The following DCAF6 variants were observed in gnomAD, a reference collection of about 807,000 sequenced individuals.
DCAF6 encodes DDB1- and CUL4-associated factor 6.
A neutral mutation model predicts 125.1 loss-of-function variants in DCAF6; 54 were observed. The observed-to-expected ratio is 0.43, with a 90% CI of 0.35 to 0.54. The LOEUF (loss-of-function observed/expected upper bound fraction) is 0.54, where lower values mean the gene tolerates loss of function less well. Among genes scored for constraint, DCAF6 ranks in the 20% least tolerant of loss-of-function variants. The pLI, the probability that DCAF6 is intolerant of heterozygous loss-of-function variation, is 0.01. For missense variants in DCAF6, 934 were observed against 1,161.7 expected, an observed-to-expected ratio of 0.80 and a Z score of 2.85; for synonymous variants, 371 against 390.4, an observed-to-expected ratio of 0.95 and a Z score of 0.58.
intron 7 of DCAF6, among the ~76,000 whole-genome samples, chr1:167,994,905 G>A (rs181864303): frequency 7.5e-4 from 114 of 152,090 alleles, no homozygotes; most frequent in Admixed American, 1.9e-3. Flanking sequence ...GAATTCCTAC[G>A]AGATACAAAA....
chr1:167,986,796 T>C (rs995541544), intron 4 of DCAF6, among the ~76,000 whole-genome samples: 1 of 152,192 alleles, frequency 6.6e-6, no homozygotes, highest in Non-Finnish European at 1.5e-5. Context: ...ACTGGGTCTT[T>C]GGGACATAGG....
the DCAF6 span, among the ~76,000 whole-genome samples, chr1:167,896,132 C>T: frequency 1.3e-5 from 2 of 151,728 alleles, no homozygotes; most frequent in Admixed American, 6.6e-5. Context: ...AGGGGACTAG[C>T]GTAGAAGCTA....
At chr1:167,875,248 G>C in the DCAF6 span, 1 of 1,522,688 alleles carries the variant, frequency 6.6e-7, no homozygotes, top group Non-Finnish European at 9.1e-7. Context: ...GAGAGCAAGA[G>C]TGATTAGTTC....
intron 10 of DCAF6, among the ~76,000 whole-genome samples, chr1:168,010,261 A>ATT (rs1426271920): frequency 1.3e-5 from 2 of 152,138 alleles, no homozygotes; most frequent in East Asian, 1.9e-4. Context: ...AAATTGTCTC[A>ATT]TTATATATAT....
the DCAF6 span, among the ~76,000 whole-genome samples, chr1:167,890,908 T>A: frequency 1.3e-5 from 2 of 152,182 alleles, no homozygotes; most frequent in Non-Finnish European, 2.9e-5. Flanking sequence ...AAGGACACAA[T>A]AAACTAGAAT....
At chr1:168,065,788 A>C (rs768384349) in intron 19 of DCAF6, 42 bp downstream of exon 19, 1 of 1,557,238 alleles carries the variant, frequency 6.4e-7, no homozygotes, top group Non-Finnish European at 8.8e-7. Context: ...AATTATTTGT[A>C]TGACTCATCA....
chr1:168,066,150 A>G (rs369331069), intron 19 of DCAF6, among the ~76,000 whole-genome samples: 1 of 152,320 alleles, frequency 6.6e-6, no homozygotes, highest in East Asian at 1.9e-4. Context: ...ACAATGAATA[A>G]GTGACTTCAA....
At chr1:167,893,593 GGCT>G in the DCAF6 span, among the ~76,000 whole-genome samples, 1 of 151,054 alleles carries the variant, frequency 6.6e-6, no homozygotes, top group South Asian at 2.1e-4. Context: ...GCATGTGGGA[GGCT>G]GAGGCAGGAG....
chr1:167,883,952 A>G, the DCAF6 span, among the ~76,000 whole-genome samples: 1 of 152,222 alleles, frequency 6.6e-6, no homozygotes, highest in African/African-American at 2.4e-5. Flanking sequence ...TTTTAAAAAA[A>G]TTTAAAATTT....
At chr1:167,954,712 A>G (rs189774003) in intron 2 of DCAF6, among the ~76,000 whole-genome samples, 4 of 152,192 alleles carry the variant, frequency 2.6e-5, no homozygotes, top group Middle Eastern at 3.4e-3. Context: ...TCTGCCTCCC[A>G]AAGTGCTGGG....
chr1:167,981,793 G>A (rs1157358124), intron 4 of DCAF6, among the ~76,000 whole-genome samples: 1 of 152,156 alleles, frequency 6.6e-6, no homozygotes, highest in Non-Finnish European at 1.5e-5. Context: ...GGGCACCTAG[G>A]TTGATTCTGT....
intron 10 of DCAF6, among the ~76,000 whole-genome samples, chr1:168,009,755 T>C (rs1401775203): frequency 1.3e-5 from 2 of 152,100 alleles, no homozygotes; most frequent in Non-Finnish European, 2.9e-5. Flanking sequence ...CTAGGTAAAG[T>C]CCTCTTTCCT....
chr1:167,891,747 A>G, the DCAF6 span, among the ~76,000 whole-genome samples: 1 of 152,018 alleles, frequency 6.6e-6, no homozygotes, highest in Non-Finnish European at 1.5e-5. Context: ...TACATAGCAA[A>G]TCAATGGGGG....
chr1:167,881,973 T>TCAATA, the DCAF6 span, among the ~76,000 whole-genome samples: 6 of 152,222 alleles, frequency 3.9e-5, no homozygotes, highest in African/African-American at 1.4e-4. Flanking sequence ...CCTGGTTGTG[T>TCAATA]CAATATATGT....
chr1:168,024,236 AAAG>A (rs1440077392), intron 12 of DCAF6, among the ~76,000 whole-genome samples: 1 of 151,546 alleles, frequency 6.6e-6, no homozygotes, highest in South Asian at 2.1e-4. Context: ...AAAAAAAAAA[AAAG>A]AACAGAAAAA....
Position 168,040,699 on chromosome 1 carries a change from T to A in DCAF6, c.1727+2211T>A, listed in dbSNP as rs140068460. Among the ~76,000 whole-genome samples the A allele has an allele frequency of 4.5e-3, 678 of 150,980 alleles. 3 individuals carry two copies. Among genetic ancestry groups the A allele is most frequent in the South Asian group, 9.6e-3 (46 of 4,812 alleles). ...CAAGGAGCTGGCATCTTCTGAAGAA[T>A]CTTATCTAAACTTTTTGGGCTTTTT... is the stretch of plus-strand genomic sequence containing the variant. On this transcript the variant is annotated intron_variant, in intron 13 of 21. Transcript: ENST00000367840.
chr1:167,999,812 A>G (rs1217024776), intron 7 of DCAF6, among the ~76,000 whole-genome samples: 2 of 152,146 alleles, frequency 1.3e-5, no homozygotes, highest in Admixed American at 1.3e-4. Context: ...GACCACTCAG[A>G]CTGTTTCCAT....
intron 10 of DCAF6, among the ~76,000 whole-genome samples, chr1:168,006,354 A>G (rs1683342283): frequency 6.6e-6 from 1 of 152,214 alleles, no homozygotes; most frequent in African/African-American, 2.4e-5. Flanking sequence ...TAAATTATTT[A>G]TAGGAAGTAA....
chr1:168,069,330 C>A (rs1330005806), intron 21 of DCAF6, among the ~76,000 whole-genome samples: 2 of 152,290 alleles, frequency 1.3e-5, no homozygotes, highest in East Asian at 3.9e-4. Context: ...ATGATCTAAT[C>A]TCAAACTATT....
Sources: allele counts gnomAD v4.1 joint callset (sites outside exome capture counted in the v4.1 genomes callset), GRCh38; gene constraint gnomAD v4.1.1; transcripts MANE v1.5; gene names NCBI Gene and HGNC (gene_info 2026-07-23, HGNC 2026-07-21).